PARD3: variants seen among roughly 807,000 people sequenced by gnomAD.
PARD3 encodes partitioning defective 3 homolog.
PARD3 carries 75 observed loss-of-function variants against 155.4 expected under a neutral mutation model. The ratio of observed to expected loss-of-function variants is 0.48; its 90% CI spans 0.40 to 0.58. The LOEUF is 0.58. Ranked by LOEUF, PARD3 falls within the 20% of genes least tolerant of loss-of-function variation. PARD3 has a pLI of 0.00. For missense variants in PARD3, 1,642 were observed against 1,721.7 expected, an observed-to-expected ratio of 0.95 and a Z score of 0.82; for synonymous variants, 576 against 610.5, an observed-to-expected ratio of 0.94 and a Z score of 0.83.
chr10:34,163,708 G>A (rs1949390299), intron 22 of PARD3, among the ~76,000 whole-genome samples: 1 of 152,172 alleles, frequency 6.6e-6, no homozygotes, highest in Non-Finnish European at 1.5e-5. Flanking sequence ...CTGGGGATCT[G>A]GTCTGTGGGC....
At chr10:34,116,387 C>T (rs1946672056) in intron 24 of PARD3, among the ~76,000 whole-genome samples, 1 of 152,226 alleles carries the variant, frequency 6.6e-6, no homozygotes, top group Non-Finnish European at 1.5e-5. Context: ...AGACAAAACT[C>T]TGTTAATTGT....
intron 3 of PARD3, among the ~76,000 whole-genome samples, chr10:34,497,513 C>T (rs1042539614): frequency 5.3e-5 from 8 of 152,128 alleles, no homozygotes; most frequent in Non-Finnish European, 1.2e-4. Context: ...CTTTTCCCCA[C>T]AATTAAGGTT....
At position 34,116,921 on chromosome 10, in the gene PARD3, G is replaced by C. The variant is rs1193699042; in HGVS notation, c.3668+2692C>G. Among the ~76,000 whole-genome samples, 4 of 152,326 alleles carry C rather than the reference G, an allele frequency of 2.6e-5. No homozygotes were observed. The East Asian group carries it at 7.7e-4, about 29-fold the overall frequency. On this transcript the variant is annotated intron_variant, in intron 24 of 24. Coordinates refer to ENST00000374788, the MANE Select transcript of PARD3 (RefSeq NM_001184785.2). Reference sequence around the variant, plus strand: ...GCTTCCGCAGGGAGAGGCGGAGAAGGGAAGAGATGTCGGGGCTCAGAGTAA... The same window carrying C: ...GCTTCCGCAGGGAGAGGCGGAGAAGCGAAGAGATGTCGGGGCTCAGAGTAA...
rs779658592 is a variant in PARD3, at chr10:34,581,234, C to CTTTTTTTTTTTTTTTTTT, written c.223-64093_223-64076dup. Among the ~76,000 whole-genome samples the CTTTTTTTTTTTTTTTTTT allele has an allele frequency of 3.9e-3, 395 of 101,224 alleles. 16 individuals carry two copies. The highest frequency in any genetic ancestry group is 7.6e-3 in the Middle Eastern group (1 of 132). 66.4% of individuals were successfully genotyped at this position (101,224 alleles called of 152,430 possible). A position where few individuals can be genotyped will look rare whatever the true frequency, so the allele number is the denominator to read the frequency against. ...TTTTGGTTATTTTTCTTTTTCTTTT[C>CTTTTTTTTTTTTTTTTTT]TTTTTTTTTTTTTTTTTTGAGACGG... On this transcript the variant is annotated intron_variant, in intron 2 of 24. Coordinates refer to ENST00000374788, the MANE Select transcript of PARD3 (RefSeq NM_001184785.2).
chr10:34,116,023 T>C (rs1300612870), intron 24 of PARD3, among the ~76,000 whole-genome samples: 2 of 152,190 alleles, frequency 1.3e-5, no homozygotes, highest in African/African-American at 4.8e-5. Flanking sequence ...TAATTTATAA[T>C]AAAAAATAAA....
intron 2 of PARD3, among the ~76,000 whole-genome samples, chr10:34,614,721 G>A (rs1248268952): frequency 1.3e-5 from 2 of 152,100 alleles, no homozygotes; most frequent in Non-Finnish European, 2.9e-5. Flanking sequence ...TGCCCAAAGT[G>A]ATCTACAGAT....
At chr10:34,378,911 T>C (rs777682347) in intron 9 of PARD3, among the ~76,000 whole-genome samples, 49 of 152,248 alleles carry the variant, frequency 3.2e-4, no homozygotes, top group Middle Eastern at 6.8e-3. Context: ...ACATGCTCAA[T>C]ACAAAGCAGA....
intron 22 of PARD3, among the ~76,000 whole-genome samples, chr10:34,255,396 A>G (rs1032153219): frequency 9.2e-5 from 14 of 152,184 alleles, no homozygotes; most frequent in African/African-American, 3.4e-4. Flanking sequence ...CTAGGTAATA[A>G]TAGAATTAAA....
At chr10:34,708,482 T>C (rs2094401575) in intron 1 of PARD3, among the ~76,000 whole-genome samples, 1 of 152,158 alleles carries the variant, frequency 6.6e-6, no homozygotes. Flanking sequence ...TTTGAGGAAA[T>C]GTATGCTTAA....
intron 2 of PARD3, among the ~76,000 whole-genome samples, chr10:34,669,965 A>G (rs1367111331): frequency 1.3e-5 from 2 of 152,252 alleles, no homozygotes; most frequent in Non-Finnish European, 2.9e-5. Flanking sequence ...ATTTATAGTG[A>G]AAAGGTCATT....
At chr10:34,355,924 CAAAAAAAAAA>C (rs869284165) in intron 14 of PARD3, among the ~76,000 whole-genome samples, 3 of 42,728 alleles carry the variant, frequency 7.0e-5, no homozygotes, top group South Asian at 1.5e-3. Context: ...CACTCCGTCT[CAAAAAAAAAA>C]AAAAAAAAAA....
intron 2 of PARD3, among the ~76,000 whole-genome samples, chr10:34,673,942 G>T (rs2093652435): frequency 6.8e-6 from 1 of 146,344 alleles, no homozygotes; most frequent in African/African-American, 2.5e-5. Flanking sequence ...CCAAGATCGT[G>T]CCACTGCACT....
In PARD3 at chr10:34,583,663, C is replaced by T. The variant is rs12260304; in HGVS notation, c.223-66504G>A. ...GACATTAAAAAACAGAATGAGGAAA[C>T]CTTATCTTCCAGAGGTTACTGCACA... is the stretch of plus-strand genomic sequence containing the variant. On this transcript the variant is annotated intron_variant, in intron 2 of 24. Transcript: ENST00000374788. 2.0e-5 allele frequency among the ~76,000 whole-genome samples: 3 copies of T among 152,174 alleles called. No homozygotes were observed. The South Asian group carries it at 6.2e-4, about 32-fold the overall frequency.
intron 20 of PARD3, among the ~76,000 whole-genome samples, chr10:34,313,641 C>G (rs1005856931): frequency 6.6e-5 from 10 of 152,072 alleles, no homozygotes; most frequent in Non-Finnish European, 1.3e-4. Flanking sequence ...CTCAAGGTAC[C>G]ATCATTTCCT....
intron 20 of PARD3, among the ~76,000 whole-genome samples, chr10:34,301,091 G>T (rs1049382994): frequency 1.3e-5 from 2 of 152,206 alleles, no homozygotes; most frequent in Admixed American, 6.5e-5. Context: ...TTTTGCGCTT[G>T]TGTTTGTATC....
rs117076155 is a variant in PARD3 at position 34,683,796 on chromosome 10, C to T, written c.222+12522G>A. ...TGCAGGAGGCCTGGCCCCCTCCGAACTCCCTTTCACTAACACCTCACTGCT... is the reference window on the plus strand; with the variant it reads ...TGCAGGAGGCCTGGCCCCCTCCGAATTCCCTTTCACTAACACCTCACTGCT... On this transcript the variant is annotated intron_variant, in intron 2 of 24. Coordinates refer to ENST00000374788, the MANE Select transcript of PARD3 (RefSeq NM_001184785.2). Among the ~76,000 whole-genome samples the T allele has an allele frequency of 3.5e-3, 531 of 152,256 alleles. 9 individuals are homozygous for T. The highest frequency in any genetic ancestry group is 0.024 in the Admixed American group (368 of 15,290).
chr10:34,416,615 G>A (rs1845702711), intron 5 of PARD3, among the ~76,000 whole-genome samples: 1 of 152,150 alleles, frequency 6.6e-6, no homozygotes, highest in African/African-American at 2.4e-5. Flanking sequence ...TGTCCAGAAT[G>A]CGCTGGATTA....
chr10:34,766,800 T>C (rs1265023838), intron 1 of PARD3, among the ~76,000 whole-genome samples: 1 of 151,982 alleles, frequency 6.6e-6, no homozygotes, highest in Non-Finnish European at 1.5e-5. Context: ...CGCAGGAACG[T>C]GGTGTAAGGC....
intron 5 of PARD3, among the ~76,000 whole-genome samples, chr10:34,414,800 T>A (rs1282700332): frequency 6.6e-6 from 1 of 151,608 alleles, no homozygotes; most frequent in Non-Finnish European, 1.5e-5. Flanking sequence ...ATATCACATG[T>A]ATAAGTATTA....
Sources: gnomAD v4.1 joint callset for allele counts (sites outside exome capture counted in the v4.1 genomes callset) on GRCh38, gnomAD v4.1.1 for gene constraint, MANE v1.5 for transcripts, NCBI Gene and HGNC (gene_info 2026-07-23, HGNC 2026-07-21) for gene names.